Variants in PLAAT5 observed in about 807,000 individuals in gnomAD.
PLAAT5 encodes the protein Ca(2+)-independent N-acyltransferase.
In PLAAT5, 27 loss-of-function variants were observed where a neutral mutation model predicts 27.8. The observed-to-expected ratio is 0.97, with a 90% CI of 0.72 to 1.34. PLAAT5 has a LOEUF of 1.34. Ranked by LOEUF, PLAAT5 falls within the 40% of genes most tolerant of loss-of-function variation. The probability of loss-of-function intolerance (pLI) is 0.00; values close to 1 mark genes in which losing one functional copy is unlikely to be tolerated. For missense variants in PLAAT5, 368 were observed against 343.8 expected (o/e 1.07, Z -0.56); for synonymous variants, 125 against 136.1 (o/e 0.92, Z 0.57).
chr11:63,489,053 T>C (rs764833341), intron 2 of PLAAT5, 77 bp from the exon 3 acceptor site: 2 of 1,070,732 alleles, frequency 1.9e-6, no homozygotes, highest in Non-Finnish European at 2.8e-6. Context: ...TACAGATTTG[T>C]GATTTTTAAG....
At chr11:63,480,929 C>T (rs2016269097) in intron 3 of PLAAT5, among the ~76,000 whole-genome samples, 1 of 152,176 alleles carries the variant, frequency 6.6e-6, no homozygotes, top group Non-Finnish European at 1.5e-5. Flanking sequence ...ATTCGAAAGC[C>T]TTGTCTTCAA....
In PLAAT5 at chr11:63,483,844, C is replaced by CAT. The variant is rs1225019205; in HGVS notation, c.345+5026_345+5027insAT. Among the ~76,000 whole-genome samples the CAT allele has an allele frequency of 7.9e-4, 45 of 56,782 alleles. 1 individual carries two copies. Among genetic ancestry groups the CAT allele is most frequent in the Non-Finnish European group, 1.5e-3 (32 of 21,608 alleles). The allele number at this position is 56,782 out of a possible 152,430, so 37.3% of individuals were successfully genotyped here. A position where few individuals can be genotyped will look rare whatever the true frequency, so the allele number is the denominator to read the frequency against. Reference sequence around the variant, plus strand: ...ATATATATATATATATATATATATACACATATATATATATGAAACAAAAAG... The same window carrying CAT: ...ATATATATATATATATATATATATACATACATATATATATATGAAACAAAAAG... On this transcript the variant is annotated intron_variant, in intron 3 of 5. Coordinates refer to ENST00000540857, the MANE Select transcript of PLAAT5 (RefSeq NM_001146729.2).
At chr11:63,472,494 C>G (rs2016052347) in intron 3 of PLAAT5, among the ~76,000 whole-genome samples, 1 of 151,774 alleles carries the variant, frequency 6.6e-6, no homozygotes, top group Admixed American at 6.6e-5. Flanking sequence ...CAATGGTTAT[C>G]AAAAAAAATA....
Position 63,468,458 on chromosome 11 carries a change from G to C in PLAAT5, c.353C>G (p.Pro118Arg), listed in dbSNP as rs141712509. Residue 118 changes from proline (P) to arginine (R), a missense_variant, in exon 4 of 6, where the codon CCA becomes CGA. Transcript: ENST00000540857. ...KLIKQAAEGK[P>R]RPRPGDLIEI... ...AATCAGGTCTCCAGGTCTGGGTCTT[G>C]GTTTTCCCTATAATGGAAAAATAAA... 1.0e-4 allele frequency: 161 copies of C among 1,612,798 alleles called. 1 individual carries two copies. The East Asian group carries it at 2.7e-3, about 27-fold the overall frequency.
chr11:63,482,350 T>C (rs568977218), intron 3 of PLAAT5, among the ~76,000 whole-genome samples: 1 of 152,274 alleles, frequency 6.6e-6, no homozygotes, highest in Admixed American at 6.5e-5. Context: ...AAGAATCTTA[T>C]GAGCTGTGAG....
At chr11:63,465,575 G>T (rs996202350) in intron 5 of PLAAT5, among the ~76,000 whole-genome samples, 1 of 151,950 alleles carries the variant, frequency 6.6e-6, no homozygotes, top group Non-Finnish European at 1.5e-5. Context: ...AGGATCACTT[G>T]AGCCCAGGAG....
chr11:63,490,476 AT>A, intron 1 of PLAAT5, 143 bp from the exon 2 acceptor site: 1 of 1,329,456 alleles, frequency 7.5e-7, no homozygotes, highest in Non-Finnish European at 1.1e-6. Flanking sequence ...CTTGGGATGA[AT>A]GGAGAGGGTT....
chr11:63,470,010 A>G (rs2015979013), intron 3 of PLAAT5: 1 of 149,974 alleles, frequency 6.7e-6, no homozygotes, highest in Non-Finnish European at 1.5e-5. Context: ...AATAGCTTGA[A>G]CCCAGGAGGT....
At chr11:63,463,633 A>G (rs776248930) in intron 5 of PLAAT5, 38 bp from the exon 6 acceptor site, 1 of 1,559,150 alleles carries the variant, frequency 6.4e-7, no homozygotes, top group South Asian at 1.1e-5. Flanking sequence ...ATCAGTACCA[A>G]TCCTAGGCTT....
intron 3 of PLAAT5, chr11:63,470,299 T>C (rs552372136): frequency 6.2e-6 from 1 of 161,456 alleles, no homozygotes. Flanking sequence ...TAAGTGCATC[T>C]CAAGCCTTAG....
chr11:63,475,643 AT>A (rs2016134965), intron 3 of PLAAT5, among the ~76,000 whole-genome samples: 1 of 151,878 alleles, frequency 6.6e-6, no homozygotes, highest in Admixed American at 6.5e-5. Context: ...TATGACTATA[AT>A]TTTACTGTCA....
chr11:63,467,263 TA>T (rs2015889735), intron 4 of PLAAT5, among the ~76,000 whole-genome samples: 2 of 151,970 alleles, frequency 1.3e-5, no homozygotes, highest in South Asian at 4.2e-4. Flanking sequence ...GAGAGCAAGA[TA>T]GGGGTGGGGG....
chr11:63,466,047 A>G, intron 5 of PLAAT5, 63 bp downstream of exon 5: 1 of 1,531,788 alleles, frequency 6.5e-7, no homozygotes, highest in South Asian at 1.2e-5. Flanking sequence ...CTGATCACTA[A>G]TGAAATGACA....
At chr11:63,490,190 A>G in intron 2 of PLAAT5, 53 bp downstream of exon 2, 1 of 1,612,124 alleles carries the variant, frequency 6.2e-7, no homozygotes, top group African/African-American at 1.3e-5. Flanking sequence ...TTCCAAGTCA[A>G]TTCTCCAAAA....
chr11:63,490,412 G>A, intron 1 of PLAAT5, 79 bp from the exon 2 acceptor site: 3 of 1,608,960 alleles, frequency 1.9e-6, no homozygotes, highest in Non-Finnish European at 1.7e-6. Context: ...CGGAGAGTGG[G>A]CTCAGAGCTC....
chr11:63,488,390 T>C (rs1427281929), intron 3 of PLAAT5, among the ~76,000 whole-genome samples: 1 of 152,144 alleles, frequency 6.6e-6, no homozygotes, highest in African/African-American at 2.4e-5. Flanking sequence ...TATATATAGA[T>C]GTCAAAATGT....
At chr11:63,479,390 G>A (rs1286300981) in intron 3 of PLAAT5, among the ~76,000 whole-genome samples, 1 of 152,186 alleles carries the variant, frequency 6.6e-6, no homozygotes, top group Non-Finnish European at 1.5e-5. Flanking sequence ...CAGAGAAACT[G>A]TTTTAAAATG....
intron 1 of PLAAT5, chr11:63,490,646 C>A: frequency 1.6e-6 from 1 of 608,680 alleles, no homozygotes; most frequent in Non-Finnish European, 2.9e-6. Context: ...CTTAACACCA[C>A]CCTCCGGAGC....
chr11:63,472,147 T>C, intron 3 of PLAAT5, among the ~76,000 whole-genome samples: 1 of 151,914 alleles, frequency 6.6e-6, no homozygotes. Flanking sequence ...ATAGCACAAT[T>C]TTACCTATGT....
Sources: gnomAD v4.1 joint callset for allele counts (sites outside exome capture counted in the v4.1 genomes callset) on GRCh38, gnomAD v4.1.1 for gene constraint, MANE v1.5 for transcripts, NCBI Gene and HGNC (gene_info 2026-07-23, HGNC 2026-07-21) for gene names.